The following KCNC2 variants were observed in gnomAD, a reference collection of about 807,000 sequenced individuals.
KCNC2 encodes the protein voltage-gated potassium channel KCNC2.
A neutral mutation model predicts 44.5 loss-of-function variants in KCNC2; 21 were observed. The ratio of observed to expected loss-of-function variants is 0.47; its 90% confidence interval spans 0.33 to 0.68. The LOEUF (loss-of-function observed/expected upper bound fraction) is 0.68. KCNC2 is among the 30% of genes least tolerant of loss of function. The pLI, the probability that KCNC2 is intolerant of heterozygous loss-of-function variation, is 0.01. For missense variants in KCNC2, 589 were observed against 826.2 expected, an observed-to-expected ratio of 0.71 and a Z score of 3.52; for synonymous variants, 391 against 339.1, an observed-to-expected ratio of 1.15 and a Z score of -1.68.
chr12:75,204,134 A>G (rs1291939969), intron 2 of KCNC2, among the ~76,000 whole-genome samples: 2 of 151,980 alleles, frequency 1.3e-5, no homozygotes, highest in Non-Finnish European at 2.9e-5. Flanking sequence ...GGTTTCCATG[A>G]CAACTTATAT....
In KCNC2 at chr12:75,207,714, G is replaced by A. The variant is rs777408446; in HGVS notation, c.270C>T (p.Gly90=). Residue 90 remains glycine (G), a synonymous_variant, in exon 2 of 5, where the codon GGC becomes GGT. Transcript: ENST00000549446. The surrounding 1 kb of genome is among the most constrained non-coding windows in gnomAD (Gnocchi z 4.1). Reference sequence around the variant, plus strand: ...CGCCACCGGGATGGTCGCTGGCCCTGCCGCCGCGGGAACTGCAGTTGCCCG... The same window carrying A: ...CGCCACCGGGATGGTCGCTGGCCCTACCGCCGCGGGAACTGCAGTTGCCCG... ...GGAGNCSSRG[G]RASDHPGGGR... The A allele has an allele frequency of 6.3e-7, 1 of 1,578,286 alleles. No individual in the cohort carries two copies.
intron 2 of KCNC2, among the ~76,000 whole-genome samples, chr12:75,055,092 T>G (rs1410561925): frequency 6.6e-6 from 1 of 152,128 alleles, no homozygotes; most frequent in African/African-American, 2.4e-5. Flanking sequence ...ATTTTTTCCT[T>G]CACTGAACTG....
intron 2 of KCNC2, among the ~76,000 whole-genome samples, chr12:75,117,002 G>C (rs909838908): frequency 6.6e-6 from 1 of 151,794 alleles, no homozygotes; most frequent in Non-Finnish European, 1.5e-5. Flanking sequence ...CATTCACATA[G>C]CAACACATTT....
At chr12:75,169,143 G>C (rs1189355157) in intron 2 of KCNC2, among the ~76,000 whole-genome samples, 1 of 151,498 alleles carries the variant, frequency 6.6e-6, no homozygotes, top group Admixed American at 6.6e-5. Flanking sequence ...TTAGATCATA[G>C]TAATTAAATA....
At chr12:75,086,466 T>G (rs968615919) in intron 2 of KCNC2, among the ~76,000 whole-genome samples, 1 of 151,952 alleles carries the variant, frequency 6.6e-6, no homozygotes, top group Non-Finnish European at 1.5e-5. Flanking sequence ...ATATTTTACC[T>G]TCTTCGTGTG....
At chr12:75,043,763 A>T (rs1272082253) in intron 4 of KCNC2, 1 of 1,513,502 alleles carries the variant, frequency 6.6e-7, no homozygotes, top group Admixed American at 2.0e-5. Context: ...AAATAATGGC[A>T]TTTGGTGCCA....
chr12:75,073,533 A>T (rs547949808), intron 2 of KCNC2, among the ~76,000 whole-genome samples: 1 of 152,294 alleles, frequency 6.6e-6, no homozygotes, highest in Admixed American at 6.5e-5. Context: ...GCAATATTAT[A>T]CTAGAAGACA....
At chr12:75,111,541 T>C (rs1887243975) in intron 2 of KCNC2, among the ~76,000 whole-genome samples, 2 of 152,046 alleles carry the variant, frequency 1.3e-5, no homozygotes, top group African/African-American at 4.8e-5. Context: ...AGTATCCTTT[T>C]TACAAGGTGA....
chr12:75,102,875 A>C (rs1361284248), intron 2 of KCNC2, among the ~76,000 whole-genome samples: 5 of 152,072 alleles, frequency 3.3e-5, no homozygotes, highest in Admixed American at 3.3e-4. Flanking sequence ...TCAATCTTAC[A>C]ATAAGATAAT....
In KCNC2 at chr12:75,080,183, G is replaced by C. The variant is rs147845122; in HGVS notation, c.688-28866C>G. Among the ~76,000 whole-genome samples, 26 of 152,054 alleles carry C rather than the reference G, an allele frequency of 1.7e-4. No homozygotes were observed. In the East Asian group the frequency reaches 4.4e-3, roughly 26 times the overall value. ...GCAATAAATCATTTTTCCATACTAAGAATTTCATTGGAAATATTTTTTAAT... is the reference window on the plus strand; with the variant it reads ...GCAATAAATCATTTTTCCATACTAACAATTTCATTGGAAATATTTTTTAAT... On this transcript the variant is annotated intron_variant, in intron 2 of 4. Coordinates refer to ENST00000549446, the MANE Select transcript of KCNC2 (RefSeq NM_139137.4).
intron 2 of KCNC2, among the ~76,000 whole-genome samples, chr12:75,120,174 C>A (rs1381635949): frequency 6.6e-6 from 1 of 152,162 alleles, no homozygotes; most frequent in Non-Finnish European, 1.5e-5. Context: ...GAATATAGAA[C>A]AACACGTTTT....
intron 2 of KCNC2, among the ~76,000 whole-genome samples, chr12:75,165,729 G>T (rs1406129851): frequency 6.6e-6 from 1 of 151,364 alleles, no homozygotes; most frequent in Non-Finnish European, 1.5e-5. Context: ...ATTCAGTTAA[G>T]CCTATTTTTC....
Position 75,177,663 on chromosome 12 carries a change from T to C in KCNC2, c.687+29634A>G, listed in dbSNP as rs552116908. Among the ~76,000 whole-genome samples, 353 of 152,008 alleles carry C rather than the reference T, an allele frequency of 2.3e-3. 1 individual carries two copies. The highest frequency in any genetic ancestry group is 4.3e-3 in the Non-Finnish European group (294 of 67,946). On this transcript the variant is annotated intron_variant, in intron 2 of 4. Transcript: ENST00000549446. ...GTTATTACATCCAGATATAATATCA[T>C]ACACAGAAAGAAAATTAAGTTCTCT...
chr12:75,061,153 T>A (rs574540614), intron 2 of KCNC2, among the ~76,000 whole-genome samples: 1 of 152,180 alleles, frequency 6.6e-6, no homozygotes, highest in Non-Finnish European at 1.5e-5. Context: ...TGGTGCTTAG[T>A]AACTATTAAG....
chr12:75,066,482 T>C (rs750384224), intron 2 of KCNC2, among the ~76,000 whole-genome samples: 9 of 152,168 alleles, frequency 5.9e-5, no homozygotes, highest in Non-Finnish European at 1.3e-4. Context: ...CTTTTAAAAA[T>C]AAAAGATTTT....
intron 2 of KCNC2, among the ~76,000 whole-genome samples, chr12:75,197,441 T>C (rs2137754953): frequency 6.6e-6 from 1 of 152,162 alleles, no homozygotes; most frequent in South Asian, 2.1e-4. Context: ...CTTCTGGGAG[T>C]TAACCAAAAT....
chr12:75,090,338 T>C lies in KCNC2; in HGVS notation c.688-39021A>G, dbSNP rs1274418268. Among the ~76,000 whole-genome samples the C allele has an allele frequency of 2.0e-5, 3 of 151,848 alleles. No homozygotes were observed. In the East Asian group the frequency reaches 5.8e-4, roughly 29 times the overall value. Reference sequence around the variant, plus strand: ...TTTTTCCTCTTCCTTCTCTTCATGCTTTTAATAGGCCATTATGCCCTTTTT... The same window carrying C: ...TTTTTCCTCTTCCTTCTCTTCATGCCTTTAATAGGCCATTATGCCCTTTTT... On this transcript the variant is annotated intron_variant, in intron 2 of 4. Transcript: ENST00000549446.
At chr12:75,185,726 T>G (rs763440634) in intron 2 of KCNC2, among the ~76,000 whole-genome samples, 17 of 152,116 alleles carry the variant, frequency 1.1e-4, no homozygotes, top group Admixed American at 2.6e-4. Context: ...CTATCATAAT[T>G]TCTTGTATGT....
chr12:75,130,233 C>T (rs1459656239), intron 2 of KCNC2, among the ~76,000 whole-genome samples: 2 of 152,152 alleles, frequency 1.3e-5, no homozygotes, highest in African/African-American at 4.8e-5. Flanking sequence ...TACATATACA[C>T]ACACATGTAT....
Sources: allele counts gnomAD v4.1 joint callset (sites outside exome capture counted in the v4.1 genomes callset), GRCh38; gene constraint gnomAD v4.1.1; non-coding constraint Gnocchi (gnomAD v3.1); transcripts MANE v1.5; gene names NCBI Gene and HGNC (gene_info 2026-07-23, HGNC 2026-07-21).